The following ADPRHL1 variants were observed in gnomAD, a reference collection of about 807,000 sequenced individuals.
The protein encoded by ADPRHL1 is ADP-ribosylhydrolase like 1.
A neutral mutation model predicts 44.1 loss-of-function variants in ADPRHL1; 43 were observed. The ratio of observed to expected loss-of-function variants is 0.98; its 90% confidence interval spans 0.76 to 1.26. ADPRHL1 has a LOEUF of 1.26. ADPRHL1 is among the 50% of genes most tolerant of loss of function. The pLI is 0.00. For synonymous variants in ADPRHL1, 878 were observed against 1,017.4 expected, an observed-to-expected ratio of 0.86 and a Z score of 2.61; for missense variants, 2,022 against 2,496.9, an observed-to-expected ratio of 0.81 and a Z score of 4.05.
At position 113,444,915 on chromosome 13, in the gene ADPRHL1, A is replaced by G. The variant is rs112404480; in HGVS notation, c.215-326T>C. The stretch of plus-strand genomic sequence containing the variant: ...TGGGATTACAGGCGTGAGCCACTGC[A>G]CCCAGCCCCACCGTGCCCCTTTTCT... On this transcript the variant is annotated intron_variant, in intron 1 of 7. Coordinates refer to ENST00000612156, the MANE Select transcript of ADPRHL1 (RefSeq NM_001394807.1). Among the ~76,000 whole-genome samples, 1,519 of 152,144 alleles carry G rather than the reference A, an allele frequency of 1.0e-2. 34 individuals carry two copies. The highest frequency in any genetic ancestry group is 0.034 in the African/African-American group (1,422 of 41,494).
At chr13:113,442,421 A>T (rs146967723) in intron 2 of ADPRHL1, among the ~76,000 whole-genome samples, 109 of 152,344 alleles carry the variant, frequency 7.2e-4, no homozygotes, top group African/African-American at 2.5e-3. Flanking sequence ...TATCTGTGCC[A>T]CTGTGCTCCA....
intron 6 of ADPRHL1, 149 bp from the exon 7 acceptor site, chr13:113,423,128 A>C: frequency 3.6e-6 from 4 of 1,102,854 alleles, no homozygotes; most frequent in Non-Finnish European, 5.1e-6. Flanking sequence ...GCGGTGGCTC[A>C]CGCCTGTCAT....
chr13:113,446,819 G>A (rs559207334), intron 1 of ADPRHL1, among the ~76,000 whole-genome samples: 16 of 149,866 alleles, frequency 1.1e-4, no homozygotes, highest in Non-Finnish European at 5.9e-5. Flanking sequence ...TACACGCACA[G>A]TGTTGTCTAC....
At chr13:113,449,797 T>C (rs2044167370) in intron 1 of ADPRHL1, among the ~76,000 whole-genome samples, 2 of 152,332 alleles carry the variant, frequency 1.3e-5, no homozygotes, top group Middle Eastern at 3.4e-3. Flanking sequence ...GAAGAGCCCC[T>C]GCACACTGCA....
At chr13:113,413,632 G>A (rs1426828648) in intron 7 of ADPRHL1, among the ~76,000 whole-genome samples, 1 of 152,234 alleles carries the variant, frequency 6.6e-6, no homozygotes, top group African/African-American at 2.4e-5. Context: ...CTCATGCGCT[G>A]GAGCCAGTGC....
rs1214245133 is a variant in ADPRHL1, at chr13:113,447,183, C to T, written c.215-2594G>A. On this transcript the variant is annotated intron_variant, in intron 1 of 7. Coordinates refer to ENST00000612156, the MANE Select transcript of ADPRHL1 (RefSeq NM_001394807.1). ...CACTCACGGTGTTGTGTGTGCATGG[C>T]GTCTACACGCACGGTGTTGTGTGTG... Among the ~76,000 whole-genome samples, 8 of 109,014 alleles carry T rather than the reference C, an allele frequency of 7.3e-5. 1 individual carries two copies. Among genetic ancestry groups the T allele is most frequent in the South Asian group, 3.3e-4 (1 of 2,992 alleles). 71.5% of individuals were successfully genotyped at this position (109,014 alleles called of 152,430 possible). A position where few individuals can be genotyped will look rare whatever the true frequency, so the allele number is the denominator to read the frequency against.
At position 113,400,716 on chromosome 13, in the gene ADPRHL1, C is replaced by T. The variant is rs1302774804; in HGVS notation, c.*2662G>A. 1 of 152,240 alleles carries T rather than the reference C, an allele frequency of 6.6e-6. No homozygotes were observed. Among genetic ancestry groups the T allele is most frequent in the African/African-American group, 2.4e-5 (1 of 41,446 alleles). 9.4% of individuals were successfully genotyped at this position (152,240 alleles called of 1,614,324 possible). A position where few individuals can be genotyped will look rare whatever the true frequency, so the allele number is the denominator to read the frequency against. The stretch of plus-strand genomic sequence containing the variant: ...GTCACTGGCAGTTTTTTCCTGCACA[C>T]AGAGTAGCTGTGCTGTTTTTGAGCT... On this transcript the variant is annotated 3_prime_UTR_variant, in exon 8 of 8. Transcript: ENST00000612156.
rs2044102423 is a variant in ADPRHL1, at chr13:113,441,967, C to T, written c.379+2458G>A. Among the ~76,000 whole-genome samples, 1 of 152,182 alleles carries T rather than the reference C, an allele frequency of 6.6e-6. No individual in the cohort carries two copies. The highest frequency in any genetic ancestry group is 1.5e-5 in the Non-Finnish European group (1 of 68,032). ...TGTCACGTTGTGTCCCGCCACGCGG[C>T]GTCCGCGTCTCTATCACGCTGTGTC... On this transcript the variant is annotated intron_variant, in intron 2 of 7. Transcript: ENST00000612156. This position sits in a 1 kb window ranked among gnomAD's most constrained non-coding sequence, Gnocchi z 6.0.
chr13:113,409,675 A>G lies in ADPRHL1; in HGVS notation c.1062-1455T>C, dbSNP rs943360710. 7 of 901,976 alleles carry G rather than the reference A, an allele frequency of 7.8e-6. No individual in the cohort carries two copies. Among genetic ancestry groups the G allele is most frequent in the African/African-American group, 5.4e-5 (3 of 55,482 alleles). The allele number at this position is 901,976 out of a possible 1,614,324, so 55.9% of individuals were successfully genotyped here. A position where few individuals can be genotyped will look rare whatever the true frequency, so the allele number is the denominator to read the frequency against. The stretch of plus-strand genomic sequence containing the variant: ...GCCGAGGCTGGCAGATCACGAGGTC[A>G]GGAGATCGAGACCATCCTGGATAAC... On this transcript the variant is annotated intron_variant, in intron 7 of 7. Coordinates refer to ENST00000612156, the MANE Select transcript of ADPRHL1 (RefSeq NM_001394807.1). This position sits in a 1 kb window ranked among gnomAD's most constrained non-coding sequence, Gnocchi z 4.2.
chr13:113,451,545 C>T (rs908206677), intron 1 of ADPRHL1, among the ~76,000 whole-genome samples: 2 of 152,174 alleles, frequency 1.3e-5, no homozygotes, highest in African/African-American at 2.4e-5. Context: ...TGGTGGCTCA[C>T]GCCTGTCATC....
intron 3 of ADPRHL1, among the ~76,000 whole-genome samples, chr13:113,433,127 G>A (rs112341051): frequency 1.3e-4 from 20 of 152,314 alleles, no homozygotes; most frequent in Middle Eastern, 3.4e-3. Context: ...CACACAGCCC[G>A]ATTTGGGGGT....
Position 113,403,648 on chromosome 13 carries a change from G to A in ADPRHL1, c.5634C>T (p.Pro1878=). ...CAGTTGGGCTCTTTCCCAGCCCCAG[G>A]GGAGAGGTGGCAATGCTCTTGCCCC... The part of the protein sequence containing the change: ...PLRGKSIATS[P]LGLGKSPTEP... The change falls in exon 8 of 8, where the codon CCC becomes CCT. Residue 1878 remains proline (P), a synonymous_variant. Transcript: ENST00000612156. 6 of 1,231,754 alleles carry A rather than the reference G, an allele frequency of 4.9e-6. No individual in the cohort carries two copies. Among genetic ancestry groups the A allele is most frequent in the Non-Finnish European group, 5.1e-6 (5 of 988,046 alleles). 76.3% of individuals were successfully genotyped at this position (1,231,754 alleles called of 1,614,324 possible). A position where few individuals can be genotyped will look rare whatever the true frequency, so the allele number is the denominator to read the frequency against.
chr13:113,452,990 T>C (rs2044187765), intron 1 of ADPRHL1, among the ~76,000 whole-genome samples: 1 of 152,072 alleles, frequency 6.6e-6, no homozygotes, highest in Non-Finnish European at 1.5e-5. Context: ...TCTTAATAAC[T>C]GCAAAGTAAA....
Position 113,409,200 on chromosome 13 carries a change from T to C in ADPRHL1, c.1062-980A>G. On this transcript the variant is annotated intron_variant, in intron 7 of 7. Transcript: ENST00000612156. The surrounding 1 kb of genome is among the most constrained non-coding windows in gnomAD (Gnocchi z 4.2). Reference sequence around the variant, plus strand: ...GTCTTTGTGATTTGATGGTGTTTTCTGAGCCTGGGTCCGGGGTAAGTTCTG... The same window carrying C: ...GTCTTTGTGATTTGATGGTGTTTTCCGAGCCTGGGTCCGGGGTAAGTTCTG... 1.4e-6 allele frequency: 1 copy of C among 702,766 alleles called. No homozygotes were observed. The highest frequency in any genetic ancestry group is 1.7e-6 in the Non-Finnish European group (1 of 571,876). The allele number at this position is 702,766 out of a possible 1,614,324, so 43.5% of individuals were successfully genotyped here. A position where few individuals can be genotyped will look rare whatever the true frequency, so the allele number is the denominator to read the frequency against.
chr13:113,439,534 A>G (rs543506907), intron 2 of ADPRHL1, among the ~76,000 whole-genome samples: 1 of 147,290 alleles, frequency 6.8e-6, no homozygotes, highest in South Asian at 2.1e-4. Context: ...TGCAACATCC[A>G]CCTCCTGGGT....
At chr13:113,427,750 A>G (rs1187832735) in intron 4 of ADPRHL1, among the ~76,000 whole-genome samples, 1 of 152,206 alleles carries the variant, frequency 6.6e-6, no homozygotes, top group African/African-American at 2.4e-5. Context: ...CACGGGGAGC[A>G]CAGAGCAGTG....
rs372696352 is a variant in ADPRHL1 at position 113,428,945 on chromosome 13, G to A, written c.646+7C>T. 2.5e-4 allele frequency: 395 copies of A among 1,612,172 alleles called. No homozygotes were observed. Among genetic ancestry groups the A allele is most frequent in the Non-Finnish European group, 3.1e-4 (371 of 1,179,950 alleles). On this transcript the variant is annotated splice_region_variant and intron_variant, in intron 4 of 7. Coordinates refer to ENST00000612156, the MANE Select transcript of ADPRHL1 (RefSeq NM_001394807.1). ...GAGTGCGGACTGGGGCCGGGGGAGC[G>A]GCTCACCTGCCGTGTGCCGGATGGT...
At chr13:113,436,821 G>A (rs1332607888) in intron 2 of ADPRHL1, among the ~76,000 whole-genome samples, 20 of 51,618 alleles carry the variant, frequency 3.9e-4, no homozygotes, top group East Asian at 1.5e-3. Flanking sequence ...CCCGGGACCC[G>A]GCACCCAGGC....
intron 1 of ADPRHL1, chr13:113,448,994 C>T: frequency 1.0e-6 from 1 of 986,164 alleles, no homozygotes; most frequent in Non-Finnish European, 1.2e-6. Flanking sequence ...GGCACACACA[C>T]ACACCTGCTA....
Sources: gnomAD v4.1 joint callset for allele counts (sites outside exome capture counted in the v4.1 genomes callset) on GRCh38, gnomAD v4.1.1 for gene constraint, Gnocchi (gnomAD v3.1) non-coding constraint, MANE v1.5 for transcripts, NCBI Gene and HGNC (gene_info 2026-07-23, HGNC 2026-07-21) for gene names.